Variants in DIAPH3 observed in about 807,000 individuals in gnomAD.
DIAPH3 encodes protein diaphanous homolog 3.
Under a neutral mutation model 144.3 loss-of-function variants are expected in DIAPH3, and 117 were observed. The observed-to-expected ratio is 0.81, with a 90% CI of 0.70 to 0.95. The LOEUF is 0.95. DIAPH3 is among the 40% of genes least tolerant of loss of function. The pLI is 0.00. For missense variants in DIAPH3, 1,421 were observed against 1,412.7 expected, an observed-to-expected ratio of 1.01 and a Z score of -0.09; for synonymous variants, 519 against 488.9, an observed-to-expected ratio of 1.06 and a Z score of -0.81.
chr13:60,057,853 T>C (rs1055858227), intron 4 of DIAPH3, among the ~76,000 whole-genome samples: 2 of 151,894 alleles, frequency 1.3e-5, no homozygotes, highest in African/African-American at 4.8e-5. Flanking sequence ...TGTAGAAGAA[T>C]AAAACTGGAT....
intron 14 of DIAPH3, among the ~76,000 whole-genome samples, chr13:59,980,393 C>T (rs1373759625): frequency 6.6e-6 from 1 of 151,468 alleles, no homozygotes; most frequent in Non-Finnish European, 1.5e-5. Context: ...ACATTTTGCT[C>T]CATCATCCAC....
At chr13:59,683,148 A>G (rs1471851239) in intron 27 of DIAPH3, among the ~76,000 whole-genome samples, 1 of 152,214 alleles carries the variant, frequency 6.6e-6, no homozygotes, top group Non-Finnish European at 1.5e-5. Flanking sequence ...TGCCTTCAGG[A>G]AGCCTACAAT....
At chr13:59,714,556 A>T (rs1763302562) in intron 27 of DIAPH3, among the ~76,000 whole-genome samples, 1 of 152,058 alleles carries the variant, frequency 6.6e-6, no homozygotes, top group African/African-American at 2.4e-5. Flanking sequence ...AGTTTTAATG[A>T]TCAGAAAACA....
chr13:60,114,642 G>GACACACAC (rs34572381), intron 2 of DIAPH3, among the ~76,000 whole-genome samples: 108 of 148,106 alleles, frequency 7.3e-4, no homozygotes, highest in African/African-American at 2.5e-3. Flanking sequence ...GAATACAAAA[G>GACACACAC]ACACACACAC....
chr13:59,686,530 G>T (rs2033223282), intron 27 of DIAPH3, among the ~76,000 whole-genome samples: 1 of 151,156 alleles, frequency 6.6e-6, no homozygotes. Context: ...AAAAAGTACT[G>T]CTATTTAATA....
intron 27 of DIAPH3, among the ~76,000 whole-genome samples, chr13:59,731,596 G>A (rs138614303): frequency 9.9e-5 from 15 of 152,090 alleles, no homozygotes; most frequent in African/African-American, 3.1e-4. Flanking sequence ...CCTTCTCACC[G>A]TAAAGGCAGC....
At chr13:59,730,347 T>G (rs192344621) in intron 27 of DIAPH3, among the ~76,000 whole-genome samples, 4 of 152,278 alleles carry the variant, frequency 2.6e-5, no homozygotes, top group Admixed American at 2.6e-4. Context: ...TTTACACCTT[T>G]ATGTTTCATA....
chr13:59,908,894 T>C (rs1004102798), intron 20 of DIAPH3, among the ~76,000 whole-genome samples: 6 of 152,162 alleles, frequency 3.9e-5, no homozygotes, highest in Non-Finnish European at 8.8e-5. Flanking sequence ...TTGGTCCTAT[T>C]TGGAGCTGGG....
intron 27 of DIAPH3, among the ~76,000 whole-genome samples, chr13:59,707,855 C>G (rs763479298): frequency 1.3e-5 from 2 of 152,012 alleles, no homozygotes; most frequent in Admixed American, 6.6e-5. Context: ...CTCTTGCAAC[C>G]TAGACTTCAT....
At chr13:59,760,967 T>C (rs1414734979) in intron 27 of DIAPH3, among the ~76,000 whole-genome samples, 3 of 152,184 alleles carry the variant, frequency 2.0e-5, no homozygotes, top group Non-Finnish European at 4.4e-5. Flanking sequence ...TTTATTCTAA[T>C]ATTAGTGCTA....
chr13:59,927,521 G>A (rs939915455), intron 17 of DIAPH3, among the ~76,000 whole-genome samples: 1 of 152,180 alleles, frequency 6.6e-6, no homozygotes, highest in Admixed American at 6.5e-5. Context: ...AACAGTGGTA[G>A]ATACAGCTTT....
At position 59,992,502 on chromosome 13, in the gene DIAPH3, T is replaced by G. The variant is rs1173068470; in HGVS notation, c.1096A>C (p.Met366Leu). 6.2e-7 allele frequency: 1 copy of G among 1,611,942 alleles called. No homozygotes were observed. Among genetic ancestry groups the G allele is most frequent in the Non-Finnish European group, 8.5e-7 (1 of 1,179,058 alleles). ...DFRLHIRNEF[M>L]RCGLKEILPN... The stretch of plus-strand genomic sequence containing the variant: ...AATATCTCTTTCAATCCACAACGCA[T>G]AAATTCATTTCTGATGTGAAGCCTG... Residue 366 changes from methionine (M) to leucine (L), a missense_variant, in exon 10 of 28, where the codon ATG (methionine) becomes CTG (leucine). By Grantham distance (15) the Met-to-Leu change is conservative. Transcript: ENST00000400324.
chr13:60,117,167 C>G (rs931662539), intron 2 of DIAPH3, among the ~76,000 whole-genome samples: 4 of 151,982 alleles, frequency 2.6e-5, no homozygotes, highest in African/African-American at 9.7e-5. Flanking sequence ...ACACCTACCC[C>G]ATATGCTTAG....
At chr13:59,909,812 TC>T (rs1483597779) in intron 20 of DIAPH3, among the ~76,000 whole-genome samples, 1 of 152,196 alleles carries the variant, frequency 6.6e-6, no homozygotes, top group African/African-American at 2.4e-5. Flanking sequence ...TCCATCACCA[TC>T]TTAAAATCAA....
At chr13:59,994,557 T>C (rs2052066757) in intron 9 of DIAPH3, among the ~76,000 whole-genome samples, 1 of 151,880 alleles carries the variant, frequency 6.6e-6, no homozygotes, top group African/African-American at 2.4e-5. Flanking sequence ...AAAAATATAC[T>C]ATATACTGTA....
intron 17 of DIAPH3, among the ~76,000 whole-genome samples, chr13:59,961,527 G>A (rs577255027): frequency 1.0e-3 from 159 of 152,308 alleles, no homozygotes; most frequent in African/African-American, 3.6e-3. Context: ...AAAATGGCAA[G>A]TTTTTAAAGC....
intron 20 of DIAPH3, among the ~76,000 whole-genome samples, chr13:59,896,238 T>C (rs340219): frequency 0.52 from 78,972 of 152,080 alleles, 22,154 homozygotes; most frequent in Non-Finnish European, 0.61. Context: ...GTCATATACA[T>C]GTATATAAAC....
chr13:60,050,553 G>A (rs2056288310), intron 4 of DIAPH3, among the ~76,000 whole-genome samples: 1 of 152,282 alleles, frequency 6.6e-6, no homozygotes, highest in South Asian at 2.1e-4. Context: ...GGAGGAGGAG[G>A]AGGAAGAAGT....
chr13:59,865,966 G>A (rs1021928019), intron 21 of DIAPH3, among the ~76,000 whole-genome samples: 11 of 151,802 alleles, frequency 7.2e-5, no homozygotes, highest in East Asian at 1.9e-4. Context: ...ACTCTACTCC[G>A]CATCATTATG....
Sources: allele counts gnomAD v4.1 joint callset (sites outside exome capture counted in the v4.1 genomes callset), GRCh38; gene constraint gnomAD v4.1.1; transcripts MANE v1.5; gene names NCBI Gene and HGNC (gene_info 2026-07-23, HGNC 2026-07-21).